The following NRG3 variants were observed in gnomAD, a reference collection of about 807,000 sequenced individuals.
The protein encoded by NRG3 is neuregulin 3.
A neutral mutation model predicts 66.9 loss-of-function variants in NRG3; 31 were observed. The ratio of observed to expected loss-of-function variants is 0.46; its 90% CI spans 0.35 to 0.63. NRG3 has a LOEUF of 0.63. Ranked by LOEUF, NRG3 falls within the 20% of genes least tolerant of loss-of-function variation. The pLI is 0.00. For missense variants in NRG3, 910 were observed against 878.9 expected (o/e 1.04, Z -0.45); for synonymous variants, 393 against 359.4 (o/e 1.09, Z -1.06).
rs1362675526 is a variant in NRG3, at chr10:82,655,514, C to T, written c.954-83063C>T. ...CCTTCATCCAATTGACAGTTGTTCA[C>T]GGGATTGGAAGAATGTGGAGATACA... On this transcript the variant is annotated intron_variant, in intron 2 of 8. Transcript: ENST00000372141. 5.9e-5 allele frequency among the ~76,000 whole-genome samples: 9 copies of T among 151,992 alleles called. 1 individual carries two copies. The South Asian group carries it at 1.0e-3, about 18-fold the overall frequency.
chr10:82,410,148 G>C (rs574255258), intron 2 of NRG3, among the ~76,000 whole-genome samples: 167 of 152,164 alleles, frequency 1.1e-3, no homozygotes, highest in African/African-American at 3.9e-3. Context: ...TAAGGTTTTT[G>C]TTTGGTAAAG....
intron 1 of NRG3, among the ~76,000 whole-genome samples, chr10:82,034,245 C>A (rs1459519403): frequency 6.6e-6 from 1 of 152,054 alleles, no homozygotes; most frequent in Non-Finnish European, 1.5e-5. Context: ...ATATACATGA[C>A]CCATTATTTA....
chr10:82,766,645 G>A (rs496333), intron 3 of NRG3, among the ~76,000 whole-genome samples: 223 of 152,100 alleles, frequency 1.5e-3, no homozygotes, highest in Non-Finnish European at 2.6e-3. Context: ...TTGTAGTTCA[G>A]CTATTAGAAA....
In NRG3 at chr10:82,852,554, A is replaced by G. The variant is rs191371519; in HGVS notation, c.1028-12857A>G. On this transcript the variant is annotated intron_variant, in intron 3 of 8. Coordinates refer to ENST00000372141, the MANE Select transcript of NRG3 (RefSeq NM_001010848.4). ...CTGAAACTCAGTTTTCTCATCTATA[A>G]AATACCATCACTAGCAAGGATGCTA... Among the ~76,000 whole-genome samples, 515 of 152,314 alleles carry G rather than the reference A, an allele frequency of 3.4e-3. 2 individuals are homozygous for G. The highest frequency in any genetic ancestry group is 7.8e-3 in the African/African-American group (323 of 41,554).
chr10:82,207,071 C>T (rs2075155445), intron 1 of NRG3, among the ~76,000 whole-genome samples: 1 of 152,106 alleles, frequency 6.6e-6, no homozygotes, highest in Admixed American at 6.6e-5. Context: ...GAAATGAGAA[C>T]ATGTTGGAAA....
chr10:82,223,121 C>A (rs890450643), intron 1 of NRG3, among the ~76,000 whole-genome samples: 13 of 152,108 alleles, frequency 8.5e-5, no homozygotes, highest in African/African-American at 2.7e-4. Context: ...CGAAACAATT[C>A]TTTCAGTGTA....
chr10:82,403,205 C>G (rs1029444593), intron 2 of NRG3, among the ~76,000 whole-genome samples: 1 of 152,114 alleles, frequency 6.6e-6, no homozygotes. Context: ...AATATTGACT[C>G]TATTTTCTCA....
At chr10:82,472,574 C>T (rs1486248468) in intron 2 of NRG3, among the ~76,000 whole-genome samples, 2 of 152,158 alleles carry the variant, frequency 1.3e-5, no homozygotes, top group African/African-American at 4.8e-5. Flanking sequence ...GTATCCCTGT[C>T]CAAATAATGT....
intron 2 of NRG3, among the ~76,000 whole-genome samples, chr10:82,694,541 G>A (rs1273262422): frequency 6.6e-6 from 1 of 152,012 alleles, no homozygotes; most frequent in African/African-American, 2.4e-5. Context: ...GATTGTTTGA[G>A]GCTAGGAGTT....
chr10:82,296,494 A>G (rs1032800170), intron 1 of NRG3, among the ~76,000 whole-genome samples: 1 of 152,152 alleles, frequency 6.6e-6, no homozygotes, highest in South Asian at 2.1e-4. Context: ...TTATTGGAGG[A>G]TAAATTTGCT....
At chr10:82,334,762 C>T (rs1429850638) in intron 1 of NRG3, among the ~76,000 whole-genome samples, 1 of 152,084 alleles carries the variant, frequency 6.6e-6, no homozygotes, top group Non-Finnish European at 1.5e-5. Flanking sequence ...TATCAAATCT[C>T]ATTGGAAGTT....
intron 1 of NRG3, among the ~76,000 whole-genome samples, chr10:82,253,718 T>G (rs1326954051): frequency 1.3e-5 from 2 of 152,210 alleles, no homozygotes; most frequent in South Asian, 2.1e-4. Flanking sequence ...TATCATTTGA[T>G]TCCCCTGCTT....
intron 1 of NRG3, among the ~76,000 whole-genome samples, chr10:81,973,479 G>A (rs140443987): frequency 1.9e-4 from 29 of 152,174 alleles, no homozygotes; most frequent in South Asian, 1.0e-3. Flanking sequence ...TCGAGGAGTC[G>A]CCACAGTGTC....
At chr10:82,801,595 A>G (rs1402651876) in intron 3 of NRG3, among the ~76,000 whole-genome samples, 3 of 152,162 alleles carry the variant, frequency 2.0e-5, no homozygotes, top group Non-Finnish European at 4.4e-5. Context: ...GTGCAAATGG[A>G]AAATTGTAAT....
rs191526679 is a variant in NRG3 at position 81,904,577 on chromosome 10, A to G, written c.823+28414A>G. 1.2e-3 allele frequency among the ~76,000 whole-genome samples: 178 copies of G among 152,108 alleles called. 1 individual carries two copies. Among genetic ancestry groups the G allele is most frequent in the Middle Eastern group, 0.01 (3 of 294 alleles). The stretch of plus-strand genomic sequence containing the variant: ...ACCTTCTACGCCTGTTCTTAATTCT[A>G]CCATCTGGGGCCAAAATAAGGAGCC... On this transcript the variant is annotated intron_variant, in intron 1 of 8. Transcript: ENST00000372141.
intron 2 of NRG3, among the ~76,000 whole-genome samples, chr10:82,500,439 A>G (rs1313870902): frequency 6.6e-6 from 1 of 152,128 alleles, no homozygotes; most frequent in African/African-American, 2.4e-5. Context: ...GGATCCGTCC[A>G]TTTCTCTCCA....
At chr10:82,001,960 T>G (rs1564727700) in intron 1 of NRG3, among the ~76,000 whole-genome samples, 1 of 152,150 alleles carries the variant, frequency 6.6e-6, no homozygotes, top group Non-Finnish European at 1.5e-5. Flanking sequence ...TCCTCCTTTG[T>G]TTGGAGCCCA....
chr10:82,302,221 T>C (rs2080444861), intron 1 of NRG3, among the ~76,000 whole-genome samples: 1 of 152,152 alleles, frequency 6.6e-6, no homozygotes, highest in African/African-American at 2.4e-5. Flanking sequence ...CCTGTATTTA[T>C]TTTACTAGCA....
chr10:82,362,079 CAAAAAAAAAAAAAAAAAAAA>C (rs58975630), intron 2 of NRG3, among the ~76,000 whole-genome samples: 499 of 13,934 alleles, frequency 0.036, 13 homozygotes, highest in Non-Finnish European at 0.076. Context: ...AAAGTACATG[CAAAAAAAAAAAAAAAAAAAA>C]AAAAAAAAAA....
Sources: gnomAD v4.1 joint callset for allele counts (sites outside exome capture counted in the v4.1 genomes callset) on GRCh38, gnomAD v4.1.1 for gene constraint, MANE v1.5 for transcripts, NCBI Gene and HGNC (gene_info 2026-07-23, HGNC 2026-07-21) for gene names.